The following NFATC4 variants were observed in gnomAD, a reference collection of about 807,000 sequenced individuals.
NFATC4 encodes nuclear factor of activated T-cells, cytoplasmic 4.
A neutral mutation model predicts 73.4 loss-of-function variants in NFATC4; 25 were observed. The observed-to-expected ratio is 0.34, with a 90% CI of 0.25 to 0.48. The LOEUF (loss-of-function observed/expected upper bound fraction) is 0.48. Among genes scored for constraint, NFATC4 ranks in the 20% least tolerant of loss-of-function variants. The probability of loss-of-function intolerance (pLI) is 0.99; values close to 1 mark genes in which losing one functional copy is unlikely to be tolerated. For synonymous variants in NFATC4, 523 were observed against 510.3 expected, an observed-to-expected ratio of 1.02 and a Z score of -0.34; for missense variants, 1,130 against 1,203.7, an observed-to-expected ratio of 0.94 and a Z score of 0.91.
rs1188748122 is a variant in NFATC4, at chr14:24,376,148, C to T, written c.2056+47C>T. On this transcript the variant is annotated intron_variant, in intron 8 of 9. Coordinates refer to ENST00000250373, the MANE Select transcript of NFATC4 (RefSeq NM_004554.5). This position sits in a 1 kb window ranked among gnomAD's most constrained non-coding sequence, Gnocchi z 5.0. ...GGTGGGGGTATAGGGATATGGGGAG[C>T]TGGAGCAGGAGCAGAGGGAAGCAGT... 6.2e-7 allele frequency: 1 copy of T among 1,612,474 alleles called. No homozygotes were observed. Among genetic ancestry groups the T allele is most frequent in the Non-Finnish European group, 8.5e-7 (1 of 1,179,036 alleles).
rs1335540489 is a variant in NFATC4, at chr14:24,369,828, A to G, written c.430A>G (p.Arg144Gly). ...TGATGCCTGGGGGGACGGCTCTCCT[A>G]GAGATTACCCCCCACCAGAAGGCTT... The part of the protein sequence containing the change: ...NPDAWGDGSP[R>G]DYPPPEGFGG... Residue 144 changes from arginine to glycine, a missense_variant, in exon 2 of 10, where the codon AGA becomes GGA. Transcript: ENST00000250373. The G allele has an allele frequency of 6.2e-7, 1 of 1,603,666 alleles. No individual in the cohort carries two copies. The highest frequency in any genetic ancestry group is 1.7e-5 in the Admixed American group (1 of 58,300).
rs2042684250 is a variant in NFATC4, at chr14:24,378,359, C to G, written c.*654C>G. ...TTTTCCAGGTCCTTAGTCTTGCCAC[C>G]ACACAGATGATTCTGATTCATAGCC... On this transcript the variant is annotated 3_prime_UTR_variant, in exon 10 of 10. Transcript: ENST00000250373. 6.5e-6 allele frequency: 1 copy of G among 153,994 alleles called. No individual in the cohort carries two copies. The highest frequency in any genetic ancestry group is 2.0e-4 in the South Asian group (1 of 4,938). The allele number at this position is 153,994 out of a possible 1,614,324, so 9.5% of individuals were successfully genotyped here. A position where few individuals can be genotyped will look rare whatever the true frequency, so the allele number is the denominator to read the frequency against.
chr14:24,368,518 A>C (rs2042367838), intron 1 of NFATC4, 78 bp downstream of exon 1: 1 of 1,139,604 alleles, frequency 8.8e-7, no homozygotes, highest in African/African-American at 1.7e-5. Flanking sequence ...AATTTAAGGC[A>C]GCGAGCCTAG....
chr14:24,373,905 G>C lies in NFATC4; in HGVS notation c.1732+38G>C. On this transcript the variant is annotated intron_variant, in intron 5 of 9. Coordinates refer to ENST00000250373, the MANE Select transcript of NFATC4 (RefSeq NM_004554.5). The surrounding 1 kb of genome is among the most constrained non-coding windows in gnomAD (Gnocchi z 4.7). ...GCCCTGGGCCATGTCTCTGTCTCTT[G>C]CAACTCTTTTGTCTGTGTGTGTGTG... 2 of 1,612,382 alleles carry C rather than the reference G, an allele frequency of 1.2e-6. No homozygotes were observed. The highest frequency in any genetic ancestry group is 1.7e-6 in the Non-Finnish European group (2 of 1,179,278).
rs2042608653 is a variant in NFATC4 at position 24,376,165 on chromosome 14, G to A, written c.2056+64G>A. 2 of 1,610,522 alleles carry A rather than the reference G, an allele frequency of 1.2e-6. No individual in the cohort carries two copies. The highest frequency in any genetic ancestry group is 2.2e-5 in the South Asian group (2 of 90,516). On this transcript the variant is annotated intron_variant, in intron 8 of 9. Transcript: ENST00000250373. This position sits in a 1 kb window ranked among gnomAD's most constrained non-coding sequence, Gnocchi z 5.0. ...ATGGGGAGCTGGAGCAGGAGCAGAG[G>A]GAAGCAGTACTCATCATGAGGGGCC...
rs1042477800 is a variant in NFATC4 at position 24,369,092 on chromosome 14, T to A, written c.101-407T>A. ...CCCTCCCCTCTGGCCACGGTTGCGA[T>A]GGCAACTGGGGCTCCTGCCAGCGCC... On this transcript the variant is annotated intron_variant, in intron 1 of 9. Transcript: ENST00000250373. 5.9e-4 allele frequency: 842 copies of A among 1,417,670 alleles called. 1 individual carries two copies. Among genetic ancestry groups the A allele is most frequent in the Non-Finnish European group, 6.8e-4 (737 of 1,088,684 alleles). 87.8% of individuals were successfully genotyped at this position (1,417,670 alleles called of 1,614,324 possible).
upstream of NFATC4, chr14:24,367,109 C>A (rs750895993): frequency 2.5e-6 from 4 of 1,614,014 alleles, no homozygotes; most frequent in Non-Finnish European, 3.4e-6. Flanking sequence ...TATCTCCCAC[C>A]GAGTCACGAA....
Position 24,376,479 on chromosome 14 carries a change from C to T in NFATC4, c.2242C>T (p.Leu748=), listed in dbSNP as rs765734107. 1 of 1,613,732 alleles carries T rather than the reference C, an allele frequency of 6.2e-7. No individual in the cohort carries two copies. The change falls in exon 9 of 10, where the codon CTG becomes TTG. Residue 748 remains leucine (L), a synonymous_variant. Coordinates refer to ENST00000250373, the MANE Select transcript of NFATC4 (RefSeq NM_004554.5). This position sits in a 1 kb window ranked among gnomAD's most constrained non-coding sequence, Gnocchi z 5.0. ...SEGFGYGMPP[L]YPQTGPPPSY... Reference sequence around the variant, plus strand: ...AGGCTTCGGCTATGGCATGCCCCCTCTGTACCCCCAGACGGGGCCCCCACC... The same window carrying T: ...AGGCTTCGGCTATGGCATGCCCCCTTTGTACCCCCAGACGGGGCCCCCACC...
upstream of NFATC4, chr14:24,367,423 C>G: frequency 6.5e-7 from 1 of 1,535,652 alleles, no homozygotes; most frequent in South Asian, 1.2e-5. Context: ...AATTCACGGC[C>G]CCTCTGGGTG....
rs1186911830 is a variant in NFATC4, at chr14:24,373,786, C to A, written c.1651C>A (p.Arg551=). ...TDIGRKNTRV[R]LVFRVHVPQG... ...CATCGGGCGCAAAAACACACGTGTACGGCTGGTGTTCCGGGTACACGTGCC... is the reference window on the plus strand; with the variant it reads ...CATCGGGCGCAAAAACACACGTGTAAGGCTGGTGTTCCGGGTACACGTGCC... Residue 551 remains arginine (R), a synonymous_variant, in exon 5 of 10, where the codon CGG becomes AGG. Coordinates refer to ENST00000250373, the MANE Select transcript of NFATC4 (RefSeq NM_004554.5). The surrounding 1 kb of genome is among the most constrained non-coding windows in gnomAD (Gnocchi z 4.7). 2 of 1,614,168 alleles carry A rather than the reference C, an allele frequency of 1.2e-6. No individual in the cohort carries two copies. Among genetic ancestry groups the A allele is most frequent in the South Asian group, 2.2e-5 (2 of 91,088 alleles).
rs1243360429 is a variant in NFATC4, at chr14:24,373,118, A to C, written c.1360-53A>C. On this transcript the variant is annotated intron_variant, in intron 3 of 9. Transcript: ENST00000250373. The surrounding 1 kb of genome is among the most constrained non-coding windows in gnomAD (Gnocchi z 4.7). ...TAGACTGAAAATCTAGGGATGAATA[A>C]AGGATGAGACGGTGGGGATTTCAAT... 7 of 1,553,848 alleles carry C rather than the reference A, an allele frequency of 4.5e-6. No homozygotes were observed. Among genetic ancestry groups the C allele is most frequent in the Non-Finnish European group, 6.2e-6 (7 of 1,129,364 alleles).
chr14:24,369,696 G>C lies in NFATC4; in HGVS notation c.298G>C (p.Gly100Arg). Residue 100 changes from glycine to arginine, a missense_variant, in exon 2 of 10, where the codon GGG becomes CGG. By Grantham distance (125) the Gly-to-Arg change is moderately radical (BLOSUM62 -2). Around this residue, in one of 3 missense-constraint regions of NFATC4, gnomAD observed 585 missense variants for 574.3 expected, o/e 1.02. Coordinates refer to ENST00000250373, the MANE Select transcript of NFATC4 (RefSeq NM_004554.5). Reference sequence around the variant, plus strand: ...GTCGGTGAGGCTGGGAGGACCAGGAGGGGGTGCTGGGGGTGCTGGGGGTGG... The same window carrying C: ...GTCGGTGAGGCTGGGAGGACCAGGACGGGGTGCTGGGGGTGCTGGGGGTGG... ...ARSVRLGGPG[G>R]GAGGAGGGRV... is the part of the protein sequence containing the mutation. 2 of 1,603,138 alleles carry C rather than the reference G, an allele frequency of 1.2e-6. No homozygotes were observed. Among genetic ancestry groups the C allele is most frequent in the Non-Finnish European group, 1.7e-6 (2 of 1,172,994 alleles).
At position 24,369,892 on chromosome 14, in the gene NFATC4, C is replaced by G. The variant is rs2042423328; in HGVS notation, c.494C>G (p.Ala165Gly). 1.9e-6 allele frequency: 3 copies of G among 1,611,440 alleles called. No individual in the cohort carries two copies. Among genetic ancestry groups the G allele is most frequent in the African/African-American group, 1.3e-5 (1 of 75,034 alleles). ...YREAGGQGGG[A>G]FFSPSPGSSS... ...GAAGCAGGGGGCCAGGGTGGGGGGGCCTTCTTCAGCCCAAGCCCTGGCAGC... is the reference window on the plus strand; with the variant it reads ...GAAGCAGGGGGCCAGGGTGGGGGGGGCTTCTTCAGCCCAAGCCCTGGCAGC... The change falls in exon 2 of 10, where the codon GCC becomes GGC. Residue 165 changes from alanine to glycine, a missense_variant. Ala to Gly is a moderately conservative substitution (Grantham distance 60, BLOSUM62 0). Coordinates refer to ENST00000250373, the MANE Select transcript of NFATC4 (RefSeq NM_004554.5).
chr14:24,369,738 C>G lies in NFATC4; in HGVS notation c.340C>G (p.Pro114Ala). 6.2e-7 allele frequency: 1 copy of G among 1,608,264 alleles called. No individual in the cohort carries two copies. Among genetic ancestry groups the G allele is most frequent in the Non-Finnish European group, 8.5e-7 (1 of 1,177,452 alleles). ...TGGGGGTGGCCGTGTTCTCGAGTGT[C>G]CCAGCATCCGCATCACCTCCATCTC... is the stretch of plus-strand genomic sequence containing the variant. ...GAGGGRVLEC[P>A]SIRITSISPT... is the part of the protein sequence containing the mutation. Residue 114 changes from proline to alanine, a missense_variant, in exon 2 of 10, where the codon CCC (proline) becomes GCC (alanine). By Grantham distance (27) the Pro-to-Ala change is conservative (BLOSUM62 -1). Transcript: ENST00000250373.
chr14:24,368,529 G>A (rs1294794205), intron 1 of NFATC4, 89 bp downstream of exon 1: 2 of 1,219,864 alleles, frequency 1.6e-6, no homozygotes, highest in Non-Finnish European at 2.1e-6. Context: ...GCGAGCCTAG[G>A]GTGGGGGGTG....
At chr14:24,371,456 G>A (rs931008803) in intron 2 of NFATC4, among the ~76,000 whole-genome samples, 1 of 152,198 alleles carries the variant, frequency 6.6e-6, no homozygotes, top group East Asian at 1.9e-4. Flanking sequence ...AACCAAAAAT[G>A]TCTTCAGACA....
Position 24,368,277 on chromosome 14 carries a change from T to C in NFATC4, c.-64T>C, listed in dbSNP as rs1050315279. The C allele has an allele frequency of 2.0e-5, 28 of 1,366,934 alleles. No individual in the cohort carries two copies. The highest frequency in any genetic ancestry group is 2.6e-5 in the Non-Finnish European group (28 of 1,060,118). The allele number at this position is 1,366,934 out of a possible 1,614,324, so 84.7% of individuals were successfully genotyped here. A position where few individuals can be genotyped will look rare whatever the true frequency, so the allele number is the denominator to read the frequency against. On this transcript the variant is annotated 5_prime_UTR_variant, in exon 1 of 10. Transcript: ENST00000250373. ...AGGGAGGGAGCCACCCGGGTGAAGA[T>C]ACAGCAGCCTCCTGAACTCCCCCCT...
rs1392509440 is a variant in NFATC4, at chr14:24,373,236, C to A, written c.1425C>A (p.Asn475Lys). Residue 475 changes from asparagine to lysine, a missense_variant, in exon 4 of 10, where the codon AAC becomes AAA. By Grantham distance (94) the Asn-to-Lys change is moderately conservative. Around this residue, in one of 3 missense-constraint regions of NFATC4, gnomAD observed 155 missense variants for 221.2 expected, o/e 0.70. Coordinates refer to ENST00000250373, the MANE Select transcript of NFATC4 (RefSeq NM_004554.5). The surrounding 1 kb of genome is among the most constrained non-coding windows in gnomAD (Gnocchi z 4.7). ...QMFIGTADER[N>K]LRPHAFYQVH... ...TCATCGGCACTGCAGATGAAAGGAA[C>A]CTGCGGCCTCATGCCTTCTATCAGG... The A allele has an allele frequency of 4.3e-6, 7 of 1,614,092 alleles. No individual in the cohort carries two copies. Among genetic ancestry groups the A allele is most frequent in the South Asian group, 2.2e-5 (2 of 91,092 alleles).
chr14:24,373,085 T>C lies in NFATC4; in HGVS notation c.1360-86T>C. 1 of 1,358,914 alleles carries C rather than the reference T, an allele frequency of 7.4e-7. No homozygotes were observed. The highest frequency in any genetic ancestry group is 1.0e-6 in the Non-Finnish European group (1 of 972,268). 84.2% of individuals were successfully genotyped at this position (1,358,914 alleles called of 1,614,324 possible). A position where few individuals can be genotyped will look rare whatever the true frequency, so the allele number is the denominator to read the frequency against. ...TATCCTTTATCTTTCACCATTCCCA[T>C]CCCATGGTAGACTGAAAATCTAGGG... On this transcript the variant is annotated intron_variant, in intron 3 of 9. Coordinates refer to ENST00000250373, the MANE Select transcript of NFATC4 (RefSeq NM_004554.5). The surrounding 1 kb of genome is among the most constrained non-coding windows in gnomAD (Gnocchi z 4.7).
Sources: allele counts gnomAD v4.1 joint callset (sites outside exome capture counted in the v4.1 genomes callset), GRCh38; gene constraint gnomAD v4.1.1; regional missense constraint gnomAD v4.1.1; non-coding constraint Gnocchi (gnomAD v3.1); transcripts MANE v1.5; gene names NCBI Gene and HGNC (gene_info 2026-07-23, HGNC 2026-07-21).